Variants in DICER1 observed in about 807,000 individuals in gnomAD.
DICER1 encodes the protein endoribonuclease Dicer.
Under a neutral mutation model 194.1 loss-of-function variants are expected in DICER1, and 43 were observed. The observed-to-expected ratio is 0.22, with a 90% CI of 0.17 to 0.29. The LOEUF (loss-of-function observed/expected upper bound fraction) is 0.29. DICER1 is among the 10% of genes least tolerant of loss of function. DICER1 has a pLI of 1.00. For synonymous variants in DICER1, 832 were observed against 820.5 expected (o/e 1.01, Z -0.24); for missense variants, 1,608 against 2,317.0 (o/e 0.69, Z 6.28).
Position 95,089,968 on chromosome 14 carries a change from T to C in DICER1, c.*530A>G, listed in dbSNP as rs973721711. On this transcript the variant is annotated 3_prime_UTR_variant, in exon 27 of 27. Coordinates refer to ENST00000343455, the MANE Select transcript of DICER1 (RefSeq NM_177438.3). ...GCAACAGCGACCGGGAACATCACCT[T>C]ACACAGTATAACGTGGAAAGAAAAG... The C allele has an allele frequency of 7.9e-6, 2 of 252,460 alleles. No homozygotes were observed. The highest frequency in any genetic ancestry group is 4.4e-5 in the African/African-American group (2 of 45,376). The allele number at this position is 252,460 out of a possible 1,614,324, so 15.6% of individuals were successfully genotyped here. A position where few individuals can be genotyped will look rare whatever the true frequency, so the allele number is the denominator to read the frequency against.
rs886050929 is a variant in DICER1, at chr14:95,087,474, T to C, written c.*3024A>G. The C allele has an allele frequency of 3.9e-5, 9 of 233,134 alleles. No homozygotes were observed. Among genetic ancestry groups the C allele is most frequent in the Non-Finnish European group, 8.5e-6 (1 of 118,012 alleles). 14.4% of individuals were successfully genotyped at this position (233,134 alleles called of 1,614,324 possible). ...TTAAGTTGTGCGAGTATATGACACA[T>C]TGCAGGCATTATAATTATCTTTTTC... On this transcript the variant is annotated 3_prime_UTR_variant, in exon 27 of 27. Transcript: ENST00000343455.
intron 1 of DICER1, chr14:95,134,247 G>A (rs1049474749): frequency 1.3e-5 from 2 of 152,094 alleles, no homozygotes; most frequent in East Asian, 1.9e-4. Flanking sequence ...ACACCACTCT[G>A]TGAAATAAAA....
intron 1 of DICER1, among the ~76,000 whole-genome samples, chr14:95,152,722 A>G (rs1476148204): frequency 6.6e-6 from 1 of 152,268 alleles, no homozygotes; most frequent in Non-Finnish European, 1.5e-5. Context: ...TTAAAGGAGT[A>G]CCAACAATTC....
intron 17 of DICER1, among the ~76,000 whole-genome samples, chr14:95,107,260 T>TC (rs1439575183): frequency 6.6e-6 from 1 of 152,018 alleles, no homozygotes; most frequent in African/African-American, 2.4e-5. Flanking sequence ...TGAATTTTTT[T>TC]TTTTTTTTTG....
At chr14:95,125,714 A>AGGAGGGGAGGAAGAGGG (rs1221739629) in intron 7 of DICER1, among the ~76,000 whole-genome samples, 2 of 25,380 alleles carry the variant, frequency 7.9e-5, no homozygotes, top group African/African-American at 3.9e-4. Flanking sequence ...GAGAGGGAGG[A>AGGAGGGGAGGAAGAGGG]GGAGGGGAGG....
chr14:95,146,311 A>G (rs1255353241), intron 1 of DICER1, among the ~76,000 whole-genome samples: 1 of 152,140 alleles, frequency 6.6e-6, no homozygotes, highest in African/African-American at 2.4e-5. Context: ...CCCTTCACCT[A>G]TCTTACATAT....
In DICER1 at chr14:95,117,673, C is replaced by G; in HGVS notation, c.1458G>C (p.Lys486Asn). The G allele has an allele frequency of 6.2e-7, 1 of 1,614,072 alleles. No individual in the cohort carries two copies. Among genetic ancestry groups the G allele is most frequent in the Non-Finnish European group, 8.5e-7 (1 of 1,179,954 alleles). ...CCATCTGTTTGTTGCGAGGCTGATTCTTCCCAATGCCATGTCCAGTTATGA... is the reference window on the plus strand; with the variant it reads ...CCATCTGTTTGTTGCGAGGCTGATTGTTCCCAATGCCATGTCCAGTTATGA... ...SNFITGHGIG[K>N]NQPRNKQMEA... Residue 486 changes from lysine (K) to asparagine (N), a missense_variant, in exon 9 of 27, where the codon AAG becomes AAC. This residue lies in a region of DICER1 where 657 missense variants were observed against 910.1 expected (regional missense o/e 0.72). Transcript: ENST00000343455.
Position 95,088,230 on chromosome 14 carries a change from G to T in DICER1, c.*2268C>A, listed in dbSNP as rs909183320. The T allele has an allele frequency of 4.3e-6, 1 of 231,914 alleles. No homozygotes were observed. Among genetic ancestry groups the T allele is most frequent in the Admixed American group, 5.6e-5 (1 of 17,710 alleles). 14.4% of individuals were successfully genotyped at this position (231,914 alleles called of 1,614,324 possible). A position where few individuals can be genotyped will look rare whatever the true frequency, so the allele number is the denominator to read the frequency against. ...GTATGACCTAATCATGTCTAAGTTT[G>T]AACATCTTAGTATTAACAAAAAAAT... On this transcript the variant is annotated 3_prime_UTR_variant, in exon 27 of 27. Transcript: ENST00000343455.
rs762336246 is a variant in DICER1, at chr14:95,090,678, A to C, written c.5604-15T>G. The C allele has an allele frequency of 5.4e-5, 87 of 1,614,020 alleles. No individual in the cohort carries two copies. The highest frequency in any genetic ancestry group is 1.6e-4 in the Middle Eastern group (1 of 6,062). Reference sequence around the variant, plus strand: ...TCTCAGCCGGGCTGTAAAAAATCCAAACAGCTTGAATTAGAAGTCAGAAGT... The same window carrying C: ...TCTCAGCCGGGCTGTAAAAAATCCACACAGCTTGAATTAGAAGTCAGAAGT... On this transcript the variant is annotated splice_polypyrimidine_tract_variant and intron_variant, in intron 26 of 26. Transcript: ENST00000343455.
In DICER1 at chr14:95,087,711, A is replaced by G. The variant is rs777914593; in HGVS notation, c.*2787T>C. 4.3e-6 allele frequency: 1 copy of G among 233,180 alleles called. No individual in the cohort carries two copies. The highest frequency in any genetic ancestry group is 2.2e-5 in the African/African-American group (1 of 45,350). The allele number at this position is 233,180 out of a possible 1,614,324, so 14.4% of individuals were successfully genotyped here. On this transcript the variant is annotated 3_prime_UTR_variant, in exon 27 of 27. Coordinates refer to ENST00000343455, the MANE Select transcript of DICER1 (RefSeq NM_177438.3). ...AAAAGAAATTTTAAAAAATTTACAA[A>G]TGAAGGTTCATGTTAACTAACTTGC...
Position 95,132,687 on chromosome 14 carries a change from T to A in DICER1, c.145-10A>T. On this transcript the variant is annotated splice_polypyrimidine_tract_variant and intron_variant, in intron 2 of 26. Transcript: ENST00000343455. The stretch of plus-strand genomic sequence containing the variant: ...CTTCAAGCAGTTCAACCTAGAAACA[T>A]GGTGAAAAAAAAGTTATGCACTTCT... 1 of 1,613,460 alleles carries A rather than the reference T, an allele frequency of 6.2e-7. No individual in the cohort carries two copies. The highest frequency in any genetic ancestry group is 8.5e-7 in the Non-Finnish European group (1 of 1,179,684).
rs1246553269 is a variant in DICER1 at position 95,124,058 on chromosome 14, C to T, written c.1376+138G>A. ...CTCTGTCAATCCCAGGACAGCATGA[C>T]GTATCAGCAATGATGGCGCCAAGTC... is the stretch of plus-strand genomic sequence containing the variant. On this transcript the variant is annotated intron_variant, in intron 8 of 26. Coordinates refer to ENST00000343455, the MANE Select transcript of DICER1 (RefSeq NM_177438.3). This position sits in a 1 kb window ranked among gnomAD's most constrained non-coding sequence, Gnocchi z 4.5. 4.3e-5 allele frequency: 29 copies of T among 674,530 alleles called. No individual in the cohort carries two copies. Among genetic ancestry groups the T allele is most frequent in the Non-Finnish European group, 6.3e-5 (24 of 381,426 alleles). 41.8% of individuals were successfully genotyped at this position (674,530 alleles called of 1,614,324 possible).
chr14:95,112,068 T>C (rs1429451138), intron 13 of DICER1, 104 bp downstream of exon 13: 3 of 954,536 alleles, frequency 3.1e-6, no homozygotes, highest in South Asian at 1.3e-5. Context: ...AGCAAGTGAA[T>C]AGCTCTACAA....
intron 1 of DICER1, 92 bp downstream of exon 1, chr14:95,157,138 G>T (rs549751864): frequency 2.7e-5 from 4 of 149,912 alleles, no homozygotes; most frequent in African/African-American, 9.7e-5. Context: ...GGCCATGGCC[G>T]GCACGCGGGC....
chr14:95,105,298 GAAA>G lies in DICER1; in HGVS notation c.3094-55_3094-53del, dbSNP rs371156380. The G allele has an allele frequency of 1.8e-6, 2 of 1,111,212 alleles. No homozygotes were observed. Among genetic ancestry groups the G allele is most frequent in the Admixed American group, 2.5e-5 (1 of 40,572 alleles). 68.8% of individuals were successfully genotyped at this position (1,111,212 alleles called of 1,614,324 possible). A position where few individuals can be genotyped will look rare whatever the true frequency, so the allele number is the denominator to read the frequency against. On this transcript the variant is annotated intron_variant, in intron 19 of 26. Coordinates refer to ENST00000343455, the MANE Select transcript of DICER1 (RefSeq NM_177438.3). The surrounding 1 kb of genome is among the most constrained non-coding windows in gnomAD (Gnocchi z 4.9). Reference sequence around the variant, plus strand: ...ATAAATACAAAGCGCACACACAAAAGAAAAAAAAAAAGACCAATTTCACTAATG... The same window carrying G: ...ATAAATACAAAGCGCACACACAAAAGAAAAAAAAGACCAATTTCACTAATG...
In DICER1 at chr14:95,096,663, C is replaced by T. The variant is rs1486741089; in HGVS notation, c.4257G>A (p.Glu1419=). 6.2e-7 allele frequency: 1 copy of T among 1,612,920 alleles called. No homozygotes were observed. The highest frequency in any genetic ancestry group is 2.2e-5 in the East Asian group (1 of 44,862). ...TCAGGCTCTCCTCCTCCTCATCCTC[C>T]TCCTCGTAATCCTCATCCAGTTTGC... ...ANGKLDEDYE[E]EDEEEESLMW... Residue 1419 remains glutamate, a synonymous_variant, in exon 23 of 27, where the codon GAG becomes GAA. Transcript: ENST00000343455.
chr14:95,132,479 T>TCCC (rs1566814922), intron 3 of DICER1, 36 bp downstream of exon 3: 1 of 1,607,004 alleles, frequency 6.2e-7, no homozygotes, highest in Admixed American at 1.7e-5. Flanking sequence ...CCATCCAATT[T>TCCC]CCCCTGCACA....
rs1595463209 is a variant in DICER1 at position 95,131,608 on chromosome 14, G to A, written c.339C>T (p.Val113=). ...ANQVAQQVSA[V]RTHSDLKVGE... is the part of the protein sequence containing the mutation. The stretch of plus-strand genomic sequence containing the variant: ...CAACCTTGAGATCTGAATGAGTTCT[G>A]ACAGCTGACACTTGTTGAGCAACCT... The change falls in exon 4 of 27, where the codon GTC becomes GTT. Residue 113 remains valine, a synonymous_variant. Transcript: ENST00000343455. The A allele has an allele frequency of 6.2e-7, 1 of 1,613,678 alleles. No individual in the cohort carries two copies. Among genetic ancestry groups the A allele is most frequent in the Non-Finnish European group, 8.5e-7 (1 of 1,179,636 alleles).
chr14:95,111,519 T>G lies in DICER1; in HGVS notation c.2117-63A>C, dbSNP rs17091823. On this transcript the variant is annotated intron_variant, in intron 13 of 26. Coordinates refer to ENST00000343455, the MANE Select transcript of DICER1 (RefSeq NM_177438.3). ...TTTGCCTGATTAATTAGTAAAGAATTTAGAACAGAACTATGTTAGAAGGAC... is the reference window on the plus strand; with the variant it reads ...TTTGCCTGATTAATTAGTAAAGAATGTAGAACAGAACTATGTTAGAAGGAC... The G allele has an allele frequency of 6.5e-3, 10,157 of 1,552,096 alleles. 608 individuals are homozygous for G. The African/African-American group carries it at 0.12, about 19-fold the overall frequency.
Sources: gnomAD v4.1 joint callset for allele counts (sites outside exome capture counted in the v4.1 genomes callset) on GRCh38, gnomAD v4.1.1 for gene constraint, gnomAD v4.1.1 regional missense constraint, Gnocchi (gnomAD v3.1) non-coding constraint, MANE v1.5 for transcripts, NCBI Gene and HGNC (gene_info 2026-07-23, HGNC 2026-07-21) for gene names.